Variants in FLT1 observed in about 807,000 individuals in gnomAD.
The protein encoded by FLT1 is fms related receptor tyrosine kinase 1.
In FLT1, 49 loss-of-function variants were observed where a neutral mutation model predicts 156.3. That is an observed-to-expected ratio of 0.31 (90% CI 0.25 to 0.40). The LOEUF (loss-of-function observed/expected upper bound fraction) is 0.40. FLT1 is among the 10% of genes least tolerant of loss of function. The probability of loss-of-function intolerance (pLI) is 1.00; values close to 1 mark genes in which losing one functional copy is unlikely to be tolerated. For synonymous variants in FLT1, 594 were observed against 583.8 expected, an observed-to-expected ratio of 1.02 and a Z score of -0.25; for missense variants, 1,322 against 1,637.2, an observed-to-expected ratio of 0.81 and a Z score of 3.32.
At position 28,494,770 on chromosome 13, in the gene FLT1, C is replaced by T. The variant is rs766844977; in HGVS notation, c.64+10G>A. 7.1e-6 allele frequency: 11 copies of T among 1,552,896 alleles called. No individual in the cohort carries two copies. In the Admixed American group the frequency reaches 9.3e-5, roughly 13 times the overall value. ...CCCGCCTCAGGCCCCGGCCCCCAGC[C>T]GCGCCTCACCTGTGAGAAGCAGACA... is the stretch of plus-strand genomic sequence containing the variant. On this transcript the variant is annotated intron_variant, in intron 1 of 29. Transcript: ENST00000282397.
intron 3 of FLT1, among the ~76,000 whole-genome samples, chr13:28,443,289 A>T (rs182268061): frequency 1.9e-4 from 29 of 152,326 alleles, no homozygotes; most frequent in African/African-American, 7.0e-4. Context: ...TCAGAATGGA[A>T]CGATGTCTAT....
At chr13:28,307,840 C>T (rs1566277705) in intron 28 of FLT1, among the ~76,000 whole-genome samples, 2 of 152,050 alleles carry the variant, frequency 1.3e-5, no homozygotes, top group East Asian at 1.9e-4. Flanking sequence ...GGCGCGATCT[C>T]GGCTCACTGC....
chr13:28,333,271 CT>C (rs2138844739), intron 18 of FLT1, among the ~76,000 whole-genome samples: 1 of 152,250 alleles, frequency 6.6e-6, no homozygotes, highest in African/African-American at 2.4e-5. Flanking sequence ...TTAAAAGCTG[CT>C]TTTTGAGTTT....
intron 10 of FLT1, among the ~76,000 whole-genome samples, chr13:28,413,143 T>C (rs1244207132): frequency 6.6e-6 from 1 of 151,998 alleles, no homozygotes; most frequent in East Asian, 1.9e-4. Flanking sequence ...GTTGTGGGCT[T>C]TGGGTCGGCT....
At chr13:28,457,938 T>C (rs1186670248) in intron 3 of FLT1, among the ~76,000 whole-genome samples, 8 of 143,540 alleles carry the variant, frequency 5.6e-5, no homozygotes, top group South Asian at 2.3e-4. Context: ...CTTTTCTTTT[T>C]TTTTTTTTTT....
In FLT1 at chr13:28,312,112, C is replaced by G. The variant is rs1871031567; in HGVS notation, c.3387-14G>C. The stretch of plus-strand genomic sequence containing the variant: ...ATGATCTGATAGCTGGTGGGGAAAA[C>G]AGCAACAGAAATAGTTGGAGAGCAG... On this transcript the variant is annotated splice_polypyrimidine_tract_variant and intron_variant, in intron 25 of 29. Transcript: ENST00000282397. 2 of 1,528,456 alleles carry G rather than the reference C, an allele frequency of 1.3e-6. No individual in the cohort carries two copies. The highest frequency in any genetic ancestry group is 1.8e-6 in the Non-Finnish European group (2 of 1,102,128). The allele number at this position is 1,528,456 out of a possible 1,614,324, so 94.7% of individuals were successfully genotyped here. A position where few individuals can be genotyped will look rare whatever the true frequency, so the allele number is the denominator to read the frequency against.
chr13:28,350,540 T>C (rs1367665385), intron 15 of FLT1, among the ~76,000 whole-genome samples: 1 of 152,110 alleles, frequency 6.6e-6, no homozygotes, highest in African/African-American at 2.4e-5. Context: ...CTGCATGGTC[T>C]GGCGGCATCA....
intron 14 of FLT1, among the ~76,000 whole-genome samples, chr13:28,366,576 T>C (rs1168630435): frequency 4.8e-4 from 73 of 152,196 alleles, no homozygotes; most frequent in Non-Finnish European, 1.0e-4. Context: ...TTCAAGAGAT[T>C]CTCTTGCCTC....
chr13:28,458,924 G>GA (rs1257595887), intron 3 of FLT1, among the ~76,000 whole-genome samples: 1 of 152,088 alleles, frequency 6.6e-6, no homozygotes, highest in African/African-American at 2.4e-5. Context: ...TATTTCCCAA[G>GA]AAAAAAACTG....
intron 14 of FLT1, among the ~76,000 whole-genome samples, chr13:28,370,822 A>G (rs760287679): frequency 1.7e-4 from 26 of 152,226 alleles, no homozygotes; most frequent in Non-Finnish European, 3.1e-4. Context: ...GCCATAGCCT[A>G]TCCACAAGGT....
At chr13:28,454,223 A>T (rs78845408) in intron 3 of FLT1, among the ~76,000 whole-genome samples, 9,432 of 152,246 alleles carry the variant, frequency 0.062, 321 homozygotes, top group South Asian at 0.11. Flanking sequence ...TTTCACACAC[A>T]GGGATTACTA....
intron 13 of FLT1, chr13:28,385,689 ATAT>A (rs1593730800): frequency 2.0e-6 from 2 of 983,926 alleles, no homozygotes; most frequent in Non-Finnish European, 2.4e-6. Context: ...ATTGTATTTT[ATAT>A]TATTTTCTCT....
chr13:28,473,848 AAG>A, intron 1 of FLT1, among the ~76,000 whole-genome samples: 1 of 148,278 alleles, frequency 6.7e-6, no homozygotes, highest in African/African-American at 2.6e-5. Flanking sequence ...GGAAGAAAGA[AAG>A]AAAGAAAGAA....
Position 28,467,531 on chromosome 13 carries a change from G to A in FLT1, c.151C>T (p.Leu51Phe), listed in dbSNP as rs767792497. Residue 51 changes from leucine to phenylalanine, a missense_variant, in exon 2 of 30, where the codon CTC becomes TTC. Leu to Phe is a conservative substitution (Grantham distance 22). Coordinates refer to ENST00000282397, the MANE Select transcript of FLT1 (RefSeq NM_002019.4). ...AACACAGCCACTTACCTGCATTGGA[G>A]ATGCAGTGTCTGGCCTGCTTGCATG... is the stretch of plus-strand genomic sequence containing the variant. ...HIMQAGQTLHLQCRGEAAHKW... is the reference protein window; with the variant it reads ...HIMQAGQTLHFQCRGEAAHKW... The A allele has an allele frequency of 3.8e-6, 6 of 1,597,404 alleles. No individual in the cohort carries two copies. In the Admixed American group the frequency reaches 5.0e-5, roughly 13 times the overall value.
At position 28,494,823 on chromosome 13, in the gene FLT1, G is replaced by A. The variant is rs1593858736; in HGVS notation, c.21C>T (p.Thr7=). The A allele has an allele frequency of 6.4e-7, 1 of 1,572,898 alleles. No individual in the cohort carries two copies. Among genetic ancestry groups the A allele is most frequent in the Non-Finnish European group, 8.6e-7 (1 of 1,164,570 alleles). Residue 7 remains threonine, a synonymous_variant, in exon 1 of 30, where the codon ACC becomes ACT. Transcript: ENST00000282397. ...TGAGCAGCGCGCACAGCAGGACCCC[G>A]GTGTCCCAGTAGCTGACCATGGTGA... The part of the protein sequence containing the change: MVSYWD[T]GVLLCALLSC...
chr13:28,349,038 A>G (rs910066589), intron 15 of FLT1, among the ~76,000 whole-genome samples: 4 of 152,232 alleles, frequency 2.6e-5, no homozygotes, highest in Non-Finnish European at 5.9e-5. Flanking sequence ...TAGAAGAGAA[A>G]GGGCATGGTT....
intron 1 of FLT1, among the ~76,000 whole-genome samples, chr13:28,494,143 C>T (rs1881619377): frequency 6.6e-6 from 1 of 152,166 alleles, no homozygotes; most frequent in African/African-American, 2.4e-5. Flanking sequence ...GAGCGTTCCC[C>T]GGGACAGTCC....
chr13:28,466,610 T>G (rs1024338490), intron 3 of FLT1: 56 of 418,576 alleles, frequency 1.3e-4, no homozygotes, highest in Non-Finnish European at 1.4e-4. Flanking sequence ...TAAAATCCTT[T>G]TATTCACTTA....
In FLT1 at chr13:28,450,036, C is replaced by T. The variant is rs531702544; in HGVS notation, c.389-11691G>A. Among the ~76,000 whole-genome samples, 8 of 152,240 alleles carry T rather than the reference C, an allele frequency of 5.3e-5. No homozygotes were observed. The South Asian group carries it at 1.0e-3, about 20-fold the overall frequency. ...CCCTCAATCCAATGTCCAGCAGAGG[C>T]GGACACATGGCACACTGTCAACAGA... On this transcript the variant is annotated intron_variant, in intron 3 of 29. Coordinates refer to ENST00000282397, the MANE Select transcript of FLT1 (RefSeq NM_002019.4).
Sources: allele counts gnomAD v4.1 joint callset (sites outside exome capture counted in the v4.1 genomes callset), GRCh38; gene constraint gnomAD v4.1.1; transcripts MANE v1.5; gene names NCBI Gene and HGNC (gene_info 2026-07-23, HGNC 2026-07-21).